BPIFA2: variants seen among roughly 807,000 people sequenced by gnomAD.
The protein encoded by BPIFA2 is BPI fold-containing family A member 2.
BPIFA2 carries 20 observed loss-of-function variants against 25.7 expected under a neutral mutation model. That is an observed-to-expected ratio of 0.78 (90% CI 0.55 to 1.13). BPIFA2 has a LOEUF of 1.13. Among genes scored for constraint, BPIFA2 ranks in the 50% most tolerant of loss-of-function variants. The pLI is 0.00. For synonymous variants in BPIFA2, 126 were observed against 124.3 expected (o/e 1.01, Z -0.09); for missense variants, 300 against 298.1 (o/e 1.01, Z -0.05).
At chr20:33,178,355 C>T (rs1193655555) in intron 6 of BPIFA2, 127 bp downstream of exon 6, 13 of 650,056 alleles carry the variant, frequency 2.0e-5, no homozygotes, top group Non-Finnish European at 2.8e-5. Flanking sequence ...AGGAGGTCAG[C>T]TGGAGCTTCC....
At chr20:33,172,507 T>G (rs2146452856) in intron 2 of BPIFA2, among the ~76,000 whole-genome samples, 1 of 152,306 alleles carries the variant, frequency 6.6e-6, no homozygotes, top group Non-Finnish European at 1.5e-5. Flanking sequence ...TTCTCCTGGA[T>G]TCTAGATTTT....
chr20:33,179,762 G>C, intron 7 of BPIFA2, 95 bp downstream of exon 7: 1 of 1,278,298 alleles, frequency 7.8e-7, no homozygotes, highest in Non-Finnish European at 1.1e-6. Flanking sequence ...TGGAGAAGCA[G>C]AAGGACCCAC....
chr20:33,164,648 CCT>C (rs1205973568), upstream of BPIFA2, among the ~76,000 whole-genome samples: 1 of 151,606 alleles, frequency 6.6e-6, no homozygotes, highest in Non-Finnish European at 1.5e-5. Flanking sequence ...TCTTTCCCTC[CCT>C]CTCTCTTTCC....
At chr20:33,163,483 C>T (rs766044986), upstream of BPIFA2, among the ~76,000 whole-genome samples, 1 of 152,096 alleles carries the variant, frequency 6.6e-6, no homozygotes, top group Non-Finnish European at 1.5e-5. Context: ...GGAGATGAAT[C>T]GAAAGGACCC....
In BPIFA2 at chr20:33,174,113, A is replaced by G. The variant is rs17304572; in HGVS notation, c.337A>G (p.Lys113Glu). 8.5e-3 allele frequency: 13,699 copies of G among 1,614,144 alleles called. 198 individuals carry two copies. The highest frequency in any genetic ancestry group is 0.065 in the Admixed American group (3,897 of 60,020). Reference protein sequence around the residue: ...KISNSLILDVKAEPIDDGKGL... With the variant: ...KISNSLILDVEAEPIDDGKGL... ...CAGCAACTCCCTCATCCTGGATGTCAAAGCTGAACCGATCGATGATGGCAA... is the reference window on the plus strand; with the variant it reads ...CAGCAACTCCCTCATCCTGGATGTCGAAGCTGAACCGATCGATGATGGCAA... The change falls in exon 4 of 9, where the codon AAA becomes GAA. Residue 113 changes from lysine (K) to glutamate (E), a missense_variant. By Grantham distance (56) the Lys-to-Glu change is moderately conservative. Coordinates refer to ENST00000354932, the MANE Select transcript of BPIFA2 (RefSeq NM_080574.4).
intron 1 of BPIFA2, among the ~76,000 whole-genome samples, chr20:33,168,594 T>C (rs1437046945): frequency 6.6e-6 from 1 of 152,226 alleles, no homozygotes; most frequent in East Asian, 1.9e-4. Flanking sequence ...TACTGTACTG[T>C]ACTAGGTGCA....
At chr20:33,171,241 T>G (rs755834089) in intron 2 of BPIFA2, among the ~76,000 whole-genome samples, 5 of 152,090 alleles carry the variant, frequency 3.3e-5, no homozygotes, top group Non-Finnish European at 7.4e-5. Context: ...CATATGAAAT[T>G]TAAAGTAGTT....
At chr20:33,173,559 G>A in intron 3 of BPIFA2, among the ~76,000 whole-genome samples, 1 of 152,142 alleles carries the variant, frequency 6.6e-6, no homozygotes, top group Non-Finnish European at 1.5e-5. Flanking sequence ...AGGCTGGAGT[G>A]CAATGGCACA....
upstream of BPIFA2, among the ~76,000 whole-genome samples, chr20:33,164,330 G>A (rs1983659686): frequency 6.6e-6 from 1 of 152,186 alleles, no homozygotes; most frequent in African/African-American, 2.4e-5. Flanking sequence ...GGTGAGAACA[G>A]GGAGCGACCC....
intron 6 of BPIFA2, among the ~76,000 whole-genome samples, 189 bp from the exon 7 acceptor site, chr20:33,179,415 G>A (rs1984193367): frequency 6.7e-6 from 1 of 148,322 alleles, no homozygotes; most frequent in Non-Finnish European, 1.5e-5. Flanking sequence ...GGGCAAGACA[G>A]TGAGATTCTG....
chr20:33,168,747 G>A (rs1983800508), intron 1 of BPIFA2, among the ~76,000 whole-genome samples: 1 of 152,174 alleles, frequency 6.6e-6, no homozygotes, highest in Non-Finnish European at 1.5e-5. Flanking sequence ...AAGGCAGCAA[G>A]GTGGGACTCC....
In BPIFA2 at chr20:33,180,590, G is replaced by A. The variant is rs370478978; in HGVS notation, c.*30G>A. ...GACGAATGAGGAGGACCACTGTGGT[G>A]CATGCTGGTGAGGAGCCAGTCTCTG... On this transcript the variant is annotated 3_prime_UTR_variant, in exon 8 of 9. Coordinates refer to ENST00000354932, the MANE Select transcript of BPIFA2 (RefSeq NM_080574.4). 3.1e-6 allele frequency: 5 copies of A among 1,603,860 alleles called. No homozygotes were observed. Among genetic ancestry groups the A allele is most frequent in the Non-Finnish European group, 4.3e-6 (5 of 1,170,860 alleles).
At chr20:33,171,068 T>C (rs6057739) in intron 2 of BPIFA2, among the ~76,000 whole-genome samples, 14,044 of 152,120 alleles carry the variant, frequency 0.092, 2,121 homozygotes, top group African/African-American at 0.31. Context: ...TTTCTGAAGT[T>C]TCTGTTCTGT....
intron 6 of BPIFA2, among the ~76,000 whole-genome samples, 172 bp from the exon 7 acceptor site, chr20:33,179,431 GA>G (rs397973111): frequency 0.029 from 3,402 of 117,710 alleles, 68 homozygotes; most frequent in African/African-American, 0.064. Context: ...TTCTGTCTCA[GA>G]AAAAAAAAAA....
At chr20:33,174,926 T>A (rs1201262057) in intron 4 of BPIFA2, among the ~76,000 whole-genome samples, 3 of 152,010 alleles carry the variant, frequency 2.0e-5, no homozygotes, top group Admixed American at 1.3e-4. Context: ...AAATAAAAAA[T>A]TTTAATTTTA....
Position 33,178,946 on chromosome 20 carries a change from C to T in BPIFA2, c.646-658C>T, listed in dbSNP as rs146020505. Among the ~76,000 whole-genome samples, 8 of 152,304 alleles carry T rather than the reference C, an allele frequency of 5.3e-5. No homozygotes were observed. In the East Asian group the frequency reaches 1.5e-3, roughly 29 times the overall value. On this transcript the variant is annotated intron_variant, in intron 6 of 8. Transcript: ENST00000354932. ...GAGCAAGAGATACTCCGCTCTACAA[C>T]CTCAGGGCAAATGCCTCAGGGCACC... is the stretch of plus-strand genomic sequence containing the variant.
intron 6 of BPIFA2, among the ~76,000 whole-genome samples, chr20:33,179,190 A>T (rs1035570092): frequency 9.9e-5 from 15 of 152,060 alleles, no homozygotes; most frequent in African/African-American, 3.4e-4. Context: ...AGCTCTTTTG[A>T]AGGTCAAGGT....
chr20:33,177,085 G>A (rs1355263343), intron 5 of BPIFA2, among the ~76,000 whole-genome samples: 3 of 152,082 alleles, frequency 2.0e-5, no homozygotes, highest in African/African-American at 4.8e-5. Context: ...TGGGCACGAT[G>A]GCTCCACACC....
intron 5 of BPIFA2, among the ~76,000 whole-genome samples, chr20:33,176,553 G>T (rs922489846): frequency 2.6e-5 from 4 of 152,212 alleles, no homozygotes; most frequent in Admixed American, 2.0e-4. Flanking sequence ...CGAAGGCCGG[G>T]GTGTAAATTC....
Sources: allele counts gnomAD v4.1 joint callset (sites outside exome capture counted in the v4.1 genomes callset), GRCh38; gene constraint gnomAD v4.1.1; transcripts MANE v1.5; gene names NCBI Gene and HGNC (gene_info 2026-07-23, HGNC 2026-07-21).